MYO15A: variants seen among roughly 807,000 people sequenced by gnomAD.
MYO15A encodes the protein myosin XVA, also known as unconventional myosin-XV.
MYO15A carries 308 observed loss-of-function variants against 394.6 expected under a neutral mutation model. The ratio of observed to expected loss-of-function variants is 0.78; its 90% CI spans 0.71 to 0.86. The LOEUF (loss-of-function observed/expected upper bound fraction) is 0.86. Among genes scored for constraint, MYO15A ranks in the 40% least tolerant of loss-of-function variants. MYO15A has a pLI of 0.00. For missense variants in MYO15A, 4,606 were observed against 4,799.1 expected (o/e 0.96, Z 1.19); for synonymous variants, 1,957 against 2,003.8 (o/e 0.98, Z 0.62).
At position 18,121,054 on chromosome 17, in the gene MYO15A, G is replaced by C. The variant is rs770493586; in HGVS notation, c.2254G>C (p.Gly752Arg). The C allele has an allele frequency of 3.6e-5, 54 of 1,508,902 alleles. No homozygotes were observed. The South Asian group carries it at 6.3e-4, about 17-fold the overall frequency. 93.5% of individuals were successfully genotyped at this position (1,508,902 alleles called of 1,614,324 possible). Residue 752 changes from glycine to arginine, a missense_variant, in exon 2 of 66, where the codon GGG becomes CGG. Gly to Arg is a moderately radical substitution (Grantham distance 125). Transcript: ENST00000647165. This position sits in a 1 kb window ranked among gnomAD's most constrained non-coding sequence, Gnocchi z 5.3. ...CTCGTTCAGGGGCTCCCGCCGGAGA[G>C]GGGCGGCTTTCGGCTTCCCCGGGGC... ...RPSFRGSRRR[G>R]AAFGFPGASP... is the part of the protein sequence containing the mutation.
Position 18,142,884 on chromosome 17 carries a change from G to A in MYO15A, c.5910+44G>A, listed in dbSNP as rs770478838. On this transcript the variant is annotated intron_variant, in intron 25 of 65. Transcript: ENST00000647165. Reference sequence around the variant, plus strand: ...CTGGGTCCAAGGGGACAGCAGAGAAGGGGAAAGGGCACTTAGCACCCAAGA... The same window carrying A: ...CTGGGTCCAAGGGGACAGCAGAGAAAGGGAAAGGGCACTTAGCACCCAAGA... 7 of 1,560,270 alleles carry A rather than the reference G, an allele frequency of 4.5e-6. No individual in the cohort carries two copies. The African/African-American group carries it at 5.4e-5, about 12-fold the overall frequency.
rs1425154870 is a variant in MYO15A, at chr17:18,136,555, T to C, written c.4656-8T>C. The C allele has an allele frequency of 1.9e-6, 3 of 1,613,934 alleles. No homozygotes were observed. The highest frequency in any genetic ancestry group is 1.3e-5 in the African/African-American group (1 of 74,940). ...GTCCTGCTCACACCAGCACCACCTC[T>C]GCTCCAGGGACGCCATCGCCAAGGT... On this transcript the variant is annotated splice_polypyrimidine_tract_variant and splice_region_variant and intron_variant, in intron 14 of 65. Coordinates refer to ENST00000647165, the MANE Select transcript of MYO15A (RefSeq NM_016239.4).
At chr17:18,111,544 C>T (rs772147284) in intron 1 of MYO15A, among the ~76,000 whole-genome samples, 4 of 152,192 alleles carry the variant, frequency 2.6e-5, no homozygotes, top group Non-Finnish European at 4.4e-5. Context: ...CCCTGACACC[C>T]GCTCTGTGCC....
chr17:18,120,941 C>A lies in MYO15A; in HGVS notation c.2141C>A (p.Pro714Gln), dbSNP rs1485987905. Residue 714 changes from proline to glutamine, a missense_variant, in exon 2 of 66, where the codon CCG (proline) becomes CAG (glutamine). Transcript: ENST00000647165. ...WAAPAHVPPA[P>Q]QASWWAFVEP... ...GCCCCAGCGCACGTGCCACCGGCGC[C>A]GCAGGCCAGCTGGTGGGCCTTCGTG... is the stretch of plus-strand genomic sequence containing the variant. The A allele has an allele frequency of 4.7e-6, 7 of 1,475,728 alleles. No homozygotes were observed. The African/African-American group carries it at 8.8e-5, about 19-fold the overall frequency. 91.4% of individuals were successfully genotyped at this position (1,475,728 alleles called of 1,614,324 possible). A position where few individuals can be genotyped will look rare whatever the true frequency, so the allele number is the denominator to read the frequency against.
chr17:18,158,082 TG>T (rs1247703254), intron 51 of MYO15A, among the ~76,000 whole-genome samples, 182 bp downstream of exon 51: 1 of 151,914 alleles, frequency 6.6e-6, no homozygotes, highest in Non-Finnish European at 1.5e-5. Flanking sequence ...ACCCGGGAGA[TG>T]GGACCAGAGA....
At chr17:18,126,099 C>T (rs1038941816) in intron 4 of MYO15A, among the ~76,000 whole-genome samples, 2 of 152,250 alleles carry the variant, frequency 1.3e-5, no homozygotes, top group Admixed American at 1.3e-4. Context: ...GGAGCCCACC[C>T]AGGATCGTGG....
At chr17:18,125,496 C>A in intron 4 of MYO15A, 2 of 471,800 alleles carry the variant, frequency 4.2e-6, no homozygotes, top group Non-Finnish European at 7.8e-6. Flanking sequence ...AGATCGAGAC[C>A]ATCCTGGTTA....
chr17:18,136,010 A>G (rs1429548325), intron 13 of MYO15A, among the ~76,000 whole-genome samples, 186 bp downstream of exon 13: 1 of 152,082 alleles, frequency 6.6e-6, no homozygotes, highest in Non-Finnish European at 1.5e-5. Context: ...ACTGTTGCAT[A>G]GGCTGTTTCC....
chr17:18,142,952 T>A, intron 25 of MYO15A, 112 bp downstream of exon 25: 1 of 930,666 alleles, frequency 1.1e-6, no homozygotes, highest in Non-Finnish European at 1.7e-6. Context: ...AAATTCTGCC[T>A]CTGCCACCCA....
chr17:18,173,916 G>C lies in MYO15A; in HGVS notation c.10486G>C (p.Glu3496Gln). 1 of 1,613,116 alleles carries C rather than the reference G, an allele frequency of 6.2e-7. No individual in the cohort carries two copies. Among genetic ancestry groups the C allele is most frequent in the Non-Finnish European group, 8.5e-7 (1 of 1,179,826 alleles). ...AAQRTLQLQL[E>Q]QGLELCRVVA... ...CCAGCGCACCTTGCAGCTGCAGCTGGAGCAGGTGGGCCCAGCGCTAAGTCC... is the reference window on the plus strand; with the variant it reads ...CCAGCGCACCTTGCAGCTGCAGCTGCAGCAGGTGGGCCCAGCGCTAAGTCC... Residue 3496 changes from glutamate (E) to glutamine (Q), a missense_variant, in exon 65 of 66, where the codon GAG (glutamate) becomes CAG (glutamine). Physicochemically the swap from Glu to Gln is conservative, Grantham distance 29 (BLOSUM62 2). Around this residue, in one of 2 missense-constraint regions of MYO15A, gnomAD observed 2,776 missense variants for 3,109.3 expected, o/e 0.89. Coordinates refer to ENST00000647165, the MANE Select transcript of MYO15A (RefSeq NM_016239.4).
intron 19 of MYO15A, among the ~76,000 whole-genome samples, chr17:18,140,207 G>A (rs1377463616): frequency 2.6e-5 from 4 of 152,184 alleles, no homozygotes; most frequent in African/African-American, 7.2e-5. Context: ...CTCCTCATGA[G>A]GTCATAGCCA....
At chr17:18,110,071 A>G (rs1357603266) in intron 1 of MYO15A, 1 of 152,092 alleles carries the variant, frequency 6.6e-6, no homozygotes, top group East Asian at 1.9e-4. Context: ...TCCCAAGCCC[A>G]CCGTGTCCCA....
chr17:18,163,913 C>G (rs1205344360), intron 60 of MYO15A, 75 bp downstream of exon 60: 1 of 1,480,482 alleles, frequency 6.8e-7, no homozygotes, highest in Non-Finnish European at 9.3e-7. Flanking sequence ...GCCCTCCACC[C>G]AGATTTTAGG....
chr17:18,175,023 C>T (rs1253812293), intron 65 of MYO15A, among the ~76,000 whole-genome samples: 7 of 152,008 alleles, frequency 4.6e-5, no homozygotes, highest in African/African-American at 1.7e-4. Flanking sequence ...CTGCTGCCTC[C>T]TTCCCAGAGG....
intron 3 of MYO15A, chr17:18,124,911 T>G: frequency 6.7e-6 from 4 of 595,564 alleles, no homozygotes; most frequent in Non-Finnish European, 1.2e-5. Context: ...CATCATTATC[T>G]AATCACAGTG....
At position 18,120,457 on chromosome 17, in the gene MYO15A, C is replaced by T. The variant is rs1419468164; in HGVS notation, c.1657C>T (p.Arg553Trp). 3.2e-6 allele frequency: 5 copies of T among 1,577,144 alleles called. No homozygotes were observed. The African/African-American group carries it at 4.0e-5, about 13-fold the overall frequency. Residue 553 changes from arginine to tryptophan, a missense_variant, in exon 2 of 66, where the codon CGG (arginine) becomes TGG (tryptophan). By Grantham distance (101) the Arg-to-Trp change is moderately radical (BLOSUM62 -3). Around this residue, in one of 2 missense-constraint regions of MYO15A, gnomAD observed 1,830 missense variants for 1,689.7 expected, o/e 1.08. Transcript: ENST00000647165. ...CGCGCTGTCGGCCTTCGGCGCCCAC[C>T]GGGGCCTGGGCTTCGGCCCTGAGTT... is the stretch of plus-strand genomic sequence containing the variant. ...QRALSAFGAH[R>W]GLGFGPEFGR...
At chr17:18,151,790 T>G in intron 40 of MYO15A, 56 bp from the exon 41 acceptor site, 1 of 1,488,674 alleles carries the variant, frequency 6.7e-7, no homozygotes, top group Non-Finnish European at 9.2e-7. Flanking sequence ...TGTCAAACTA[T>G]GTGATGGGAA....
In MYO15A at chr17:18,158,975, A is replaced by G. The variant is rs752165610; in HGVS notation, c.9134A>G (p.Glu3045Gly). ...GAGCCTCGGGAGTCCAGAACCTTGGAGGACATGCTTTGCTTCACCAAGGTG... is the reference window on the plus strand; with the variant it reads ...GAGCCTCGGGAGTCCAGAACCTTGGGGGACATGCTTTGCTTCACCAAGGTG... ...SKEPRESRTL[E>G]DMLCFTKTPL... is the part of the protein sequence containing the mutation. Residue 3045 changes from glutamate (E) to glycine (G), a missense_variant, in exon 53 of 66, where the codon GAG becomes GGG. Physicochemically the swap from Glu to Gly is moderately conservative, Grantham distance 98 (BLOSUM62 -2). Coordinates refer to ENST00000647165, the MANE Select transcript of MYO15A (RefSeq NM_016239.4). 6.2e-7 allele frequency: 1 copy of G among 1,614,044 alleles called. No individual in the cohort carries two copies. The highest frequency in any genetic ancestry group is 8.5e-7 in the Non-Finnish European group (1 of 1,179,920).
intron 60 of MYO15A, chr17:18,164,922 C>T (rs1347907574): frequency 6.7e-6 from 1 of 150,158 alleles, no homozygotes; most frequent in Non-Finnish European, 1.5e-5. Flanking sequence ...GGTGGATCAC[C>T]TAAGGTCGGG....
Sources: allele counts gnomAD v4.1 joint callset (sites outside exome capture counted in the v4.1 genomes callset), GRCh38; gene constraint gnomAD v4.1.1; regional missense constraint gnomAD v4.1.1; non-coding constraint Gnocchi (gnomAD v3.1); transcripts MANE v1.5; gene names NCBI Gene and HGNC (gene_info 2026-07-23, HGNC 2026-07-21).